SYNE1: variants seen among roughly 807,000 people sequenced by gnomAD.
The protein encoded by SYNE1 is spectrin repeat containing nuclear envelope protein 1, also known as nesprin-1.
Under a neutral mutation model 1,111.0 loss-of-function variants are expected in SYNE1, and 616 were observed. The observed-to-expected ratio is 0.55, with a 90% CI of 0.52 to 0.59. SYNE1 has a LOEUF of 0.59. SYNE1 is among the 20% of genes least tolerant of loss of function. The pLI is 0.00. For missense variants in SYNE1, 10,006 were observed against 10,417.0 expected (o/e 0.96, Z 1.72); for synonymous variants, 3,855 against 3,825.8 (o/e 1.01, Z -0.28).
rs111955983 is a variant in SYNE1 at position 152,501,009 on chromosome 6, AT to A, written c.888+1623del. On this transcript the variant is annotated intron_variant, in intron 10 of 145. Coordinates refer to ENST00000367255, the MANE Select transcript of SYNE1 (RefSeq NM_182961.4). ...TTTTTTGGTTTTCTTATTACTCTTC[AT>A]TGTCATCTCAAATTGCTCTGAAAAC... Among the ~76,000 whole-genome samples, 22 of 152,008 alleles carry A rather than the reference AT, an allele frequency of 1.4e-4. 1 individual carries two copies. The highest frequency in any genetic ancestry group is 5.1e-4 in the African/African-American group (21 of 41,480).
chr6:152,211,258 C>A (rs2077476795), intron 124 of SYNE1, among the ~76,000 whole-genome samples: 1 of 152,070 alleles, frequency 6.6e-6, no homozygotes, highest in Admixed American at 6.6e-5. Context: ...TGAAGGTTGG[C>A]TAGGTGATTT....
intron 50 of SYNE1, among the ~76,000 whole-genome samples, chr6:152,395,963 A>G (rs1280789826): frequency 6.6e-6 from 1 of 152,244 alleles, no homozygotes; most frequent in Non-Finnish European, 1.5e-5. Flanking sequence ...TCCCACGTCA[A>G]TGAGCACTTA....
intron 18 of SYNE1, 126 bp downstream of exon 18, chr6:152,465,132 C>G: frequency 9.2e-7 from 1 of 1,087,124 alleles, no homozygotes; most frequent in Non-Finnish European, 1.4e-6. Flanking sequence ...TGCAACTTTT[C>G]AGGCAAAGTC....
intron 3 of SYNE1, among the ~76,000 whole-genome samples, chr6:152,577,338 T>C (rs984880203): frequency 6.6e-6 from 1 of 152,138 alleles, no homozygotes; most frequent in Non-Finnish European, 1.5e-5. Flanking sequence ...TTTTAAATCA[T>C]AAAAATATTC....
rs530543541 is a variant in SYNE1 at position 152,441,138 on chromosome 6, G to T, written c.4141C>A (p.Gln1381Lys). Residue 1381 changes from glutamine (Q) to lysine (K), a missense_variant, in exon 32 of 146, where the codon CAA (glutamine) becomes AAA (lysine). Coordinates refer to ENST00000367255, the MANE Select transcript of SYNE1 (RefSeq NM_182961.4). The stretch of plus-strand genomic sequence containing the variant: ...AAGGAGCCATAATATACCTTTGTTT[G>T]TTCCAGTTCTGAAGATAAACTTTCC... ...SLESLSSELE[Q>K]TKEFSKRTES... 6.2e-7 allele frequency: 1 copy of T among 1,613,424 alleles called. No homozygotes were observed. The highest frequency in any genetic ancestry group is 1.7e-4 in the Middle Eastern group (1 of 5,820).
intron 3 of SYNE1, among the ~76,000 whole-genome samples, chr6:152,605,029 A>AGGGGGGGG (rs1377874722): frequency 1.9e-5 from 1 of 52,974 alleles, no homozygotes; most frequent in Non-Finnish European, 3.3e-5. Context: ...AGAGAGAGAG[A>AGGGGGGGG]GAGAGAGGGA....
Position 152,326,367 on chromosome 6 carries a change from T to G in SYNE1, c.15222A>C (p.Lys5074Asn), listed in dbSNP as rs780677467. ...GGCTCCTGAGTTCCAGAGAAGCCAC[T>G]TTCTGTTCTAGGTCTTCTTTGCCGG... ...KPTGKEDLEQ[K>N]VASLELRSQR... is the part of the protein sequence containing the mutation. Residue 5074 changes from lysine (K) to asparagine (N), a missense_variant, in exon 79 of 146, where the codon AAA becomes AAC. Physicochemically the swap from Lys to Asn is moderately conservative, Grantham distance 94 (BLOSUM62 0). Transcript: ENST00000367255. The G allele has an allele frequency of 2.5e-5, 41 of 1,614,180 alleles. No individual in the cohort carries two copies. In the South Asian group the frequency reaches 4.1e-4, roughly 16 times the overall value.
At chr6:152,225,195 C>G (rs2081264868) in intron 116 of SYNE1, among the ~76,000 whole-genome samples, 1 of 151,472 alleles carries the variant, frequency 6.6e-6, no homozygotes, top group Admixed American at 6.6e-5. Context: ...TGAGAAATTT[C>G]AATTTGAATA....
At chr6:152,520,153 A>T (rs1007798253) in intron 6 of SYNE1, among the ~76,000 whole-genome samples, 2 of 152,182 alleles carry the variant, frequency 1.3e-5, no homozygotes, top group African/African-American at 2.4e-5. Flanking sequence ...ACATTGATGA[A>T]CTTGGACTAA....
chr6:152,249,077 T>C (rs1588694092), intron 105 of SYNE1, 84 bp downstream of exon 105: 6 of 969,920 alleles, frequency 6.2e-6, no homozygotes, highest in East Asian at 2.4e-5. Flanking sequence ...GAGCCATTAA[T>C]CTTTCATAGA....
At chr6:152,484,038 C>CAAAAAAAAAAAAAAAAAAAAAAAAA (rs773019397) in intron 13 of SYNE1, among the ~76,000 whole-genome samples, 1 of 53,522 alleles carries the variant, frequency 1.9e-5, no homozygotes, top group Non-Finnish European at 4.1e-5. Context: ...CTCATCTCTA[C>CAAAAAAAAAAAAAAAAAAAAAAAAA]AAAAAAAAAA....
rs749088509 is a variant in SYNE1, at chr6:152,310,416, C to T, written c.16999G>A (p.Glu5667Lys). 4.3e-6 allele frequency: 7 copies of T among 1,614,126 alleles called. No individual in the cohort carries two copies. Among genetic ancestry groups the T allele is most frequent in the Non-Finnish European group, 5.9e-6 (7 of 1,180,018 alleles). Residue 5667 changes from glutamate (E) to lysine (K), a missense_variant, in exon 89 of 146, where the codon GAG becomes AAG. By Grantham distance (56) the Glu-to-Lys change is moderately conservative (BLOSUM62 1). This residue lies in a region of SYNE1 where 4,955 missense variants were observed against 5,017.2 expected (regional missense o/e 0.99). Coordinates refer to ENST00000367255, the MANE Select transcript of SYNE1 (RefSeq NM_182961.4). ...CTTACCTGCCGATGAGAGAGCTGCT[C>T]CTTGAGACTGAGACGTCCAACTTCT... The part of the protein sequence containing the change: ...SPEVGRLSLK[E>K]QLSHRQHLLS...
chr6:152,257,504 G>A (rs1006432946), intron 101 of SYNE1, among the ~76,000 whole-genome samples: 8 of 152,086 alleles, frequency 5.3e-5, no homozygotes, highest in East Asian at 3.8e-4. Flanking sequence ...GCACTCCAGC[G>A]TGGGCAAAAG....
At chr6:152,175,780 T>C (rs1359252394) in intron 130 of SYNE1, among the ~76,000 whole-genome samples, 2 of 152,150 alleles carry the variant, frequency 1.3e-5, no homozygotes, top group East Asian at 1.9e-4. Context: ...TGCTAGTAAA[T>C]ACCCTCATAT....
At position 152,455,899 on chromosome 6, in the gene SYNE1, T is replaced by C. The variant is rs370013988; in HGVS notation, c.2714A>G (p.His905Arg). Residue 905 changes from histidine to arginine, a missense_variant, in exon 23 of 146, where the codon CAT becomes CGT. His to Arg is a conservative substitution (Grantham distance 29). Around this residue, in one of 7 missense-constraint regions of SYNE1, gnomAD observed 1,971 missense variants for 2,084.1 expected, o/e 0.95. Transcript: ENST00000367255. ...AGAGCAAATTACCTGAAAAGCAACA[T>C]GAATATCTGCAATCTGTCTTTGTAG... The part of the protein sequence containing the change: ...TRLQRQIADI[H>R]VAFQSMVKKT... 6.2e-7 allele frequency: 1 copy of C among 1,614,056 alleles called. No individual in the cohort carries two copies. Among genetic ancestry groups the C allele is most frequent in the Non-Finnish European group, 8.5e-7 (1 of 1,179,960 alleles).
intron 2 of SYNE1, among the ~76,000 whole-genome samples, chr6:152,636,218 A>T (rs1024994230): frequency 3.3e-5 from 5 of 151,970 alleles, no homozygotes; most frequent in Non-Finnish European, 5.9e-5. Context: ...CCCTTCCTAA[A>T]ATAGTCAGGG....
intron 3 of SYNE1, among the ~76,000 whole-genome samples, chr6:152,578,087 T>C (rs2099506739): frequency 6.6e-6 from 1 of 152,172 alleles, no homozygotes; most frequent in Admixed American, 6.5e-5. Context: ...TTTGCTACAA[T>C]AGGCAGTGAA....
At chr6:152,182,229 CTTG>C (rs1457904383) in intron 128 of SYNE1, among the ~76,000 whole-genome samples, 1 of 152,082 alleles carries the variant, frequency 6.6e-6, no homozygotes, top group East Asian at 1.9e-4. Flanking sequence ...ATATAATACT[CTTG>C]TGTTCATAGT....
chr6:152,440,080 C>G (rs1329323365), intron 32 of SYNE1, among the ~76,000 whole-genome samples: 1 of 152,158 alleles, frequency 6.6e-6, no homozygotes, highest in African/African-American at 2.4e-5. Flanking sequence ...TTTCGTCACT[C>G]ACTCTGTCTG....
Sources: allele counts gnomAD v4.1 joint callset (sites outside exome capture counted in the v4.1 genomes callset), GRCh38; gene constraint gnomAD v4.1.1; regional missense constraint gnomAD v4.1.1; transcripts MANE v1.5; gene names NCBI Gene and HGNC (gene_info 2026-07-23, HGNC 2026-07-21).